CRACD: variants seen among roughly 807,000 people sequenced by gnomAD.
The protein encoded by CRACD is capping protein inhibiting regulator of actin dynamics.
In CRACD, 56 loss-of-function variants were observed where a neutral mutation model predicts 106.8. The ratio of observed to expected loss-of-function variants is 0.52; its 90% CI spans 0.42 to 0.66. CRACD has a LOEUF of 0.66. CRACD is among the 30% of genes least tolerant of loss of function. The pLI, the probability that CRACD is intolerant of heterozygous loss-of-function variation, is 0.00. For missense variants in CRACD, 1,730 were observed against 1,623.2 expected (o/e 1.07, Z -1.13); for synonymous variants, 754 against 670.8 (o/e 1.12, Z -1.92).
At chr4:56,271,451 A>G (rs1742341969) in intron 2 of CRACD, among the ~76,000 whole-genome samples, 1 of 152,166 alleles carries the variant, frequency 6.6e-6, no homozygotes. Context: ...ATATATGGGG[A>G]TAGAGGGAAT....
At chr4:56,272,901 A>G (rs1263220960) in intron 3 of CRACD, among the ~76,000 whole-genome samples, 1 of 150,334 alleles carries the variant, frequency 6.7e-6, no homozygotes, top group East Asian at 1.9e-4. Flanking sequence ...TCTGCCTCAA[A>G]AAAAAAAAAA....
At chr4:56,083,956 G>A (rs1437794555) in intron 1 of CRACD, among the ~76,000 whole-genome samples, 4 of 152,120 alleles carry the variant, frequency 2.6e-5, no homozygotes, top group Non-Finnish European at 5.9e-5. Flanking sequence ...CAGCCTGGGC[G>A]ACAGAGTGAG....
At chr4:56,050,758 G>A (rs948838825) in intron 1 of CRACD, among the ~76,000 whole-genome samples, 1 of 127,062 alleles carries the variant, frequency 7.9e-6, no homozygotes, top group African/African-American at 3.7e-5. Context: ...AAGTGGGCAG[G>A]GAAAAAATCA....
At chr4:56,268,808 C>T (rs1742183735) in intron 2 of CRACD, among the ~76,000 whole-genome samples, 1 of 152,216 alleles carries the variant, frequency 6.6e-6, no homozygotes, top group African/African-American at 2.4e-5. Flanking sequence ...TCTTTTAACA[C>T]ATGCCTAGTG....
chr4:56,145,904 G>C (rs1364585884), intron 1 of CRACD, among the ~76,000 whole-genome samples: 1 of 152,140 alleles, frequency 6.6e-6, no homozygotes, highest in Non-Finnish European at 1.5e-5. Context: ...GATTCTAGGC[G>C]TGAGTCACTG....
chr4:56,258,485 A>G (rs1417400481), intron 2 of CRACD, among the ~76,000 whole-genome samples: 2 of 152,204 alleles, frequency 1.3e-5, no homozygotes, highest in African/African-American at 4.8e-5. Context: ...TTCTAAATTG[A>G]TTGAGACTTG....
intron 1 of CRACD, among the ~76,000 whole-genome samples, 166 bp downstream of exon 1, chr4:56,049,465 C>T (rs529004591): frequency 1.2e-4 from 18 of 152,088 alleles, no homozygotes; most frequent in African/African-American, 3.9e-4. Context: ...GGCTTCGGGG[C>T]GGTGTCCCCA....
chr4:56,181,081 A>C (rs1736802394), intron 2 of CRACD, among the ~76,000 whole-genome samples: 1 of 152,226 alleles, frequency 6.6e-6, no homozygotes, highest in South Asian at 2.1e-4. Flanking sequence ...ATGGAGCTTA[A>C]TGTTGTAGCA....
intron 3 of CRACD, among the ~76,000 whole-genome samples, chr4:56,277,789 A>G (rs1326890714): frequency 6.6e-6 from 1 of 152,232 alleles, no homozygotes; most frequent in African/African-American, 2.4e-5. Context: ...TATTAGACTA[A>G]TAAACAAGAT....
rs564176990 is a variant in CRACD, at chr4:56,187,363, G to T, written c.-189+7933G>T. Among the ~76,000 whole-genome samples the T allele has an allele frequency of 2.9e-4, 44 of 152,204 alleles. 1 individual carries two copies. The South Asian group carries it at 5.6e-3, about 19-fold the overall frequency. ...GAGAAGGTGCTTGCCAGACACTCGA[G>T]GGGGGCACACAATCTCCGCAGGTCA... On this transcript the variant is annotated intron_variant, in intron 2 of 10. Transcript: ENST00000682029.
intron 1 of CRACD, among the ~76,000 whole-genome samples, chr4:56,073,256 C>A (rs887265441): frequency 3.9e-5 from 6 of 152,210 alleles, no homozygotes; most frequent in Non-Finnish European, 8.8e-5. Flanking sequence ...TCCACATCCT[C>A]TCCAGCATCT....
intron 8 of CRACD, among the ~76,000 whole-genome samples, chr4:56,322,417 G>A (rs1167120570): frequency 6.6e-6 from 1 of 152,190 alleles, no homozygotes; most frequent in African/African-American, 2.4e-5. Flanking sequence ...CTCCTGTGAG[G>A]TATTTACCCC....
At chr4:56,133,655 A>C (rs1215176486) in intron 1 of CRACD, among the ~76,000 whole-genome samples, 2 of 152,220 alleles carry the variant, frequency 1.3e-5, no homozygotes, top group East Asian at 3.8e-4. Context: ...CAAACCTTAA[A>C]CATGAAATTA....
chr4:56,049,630 C>T (rs1731801095), intron 1 of CRACD, among the ~76,000 whole-genome samples: 1 of 152,170 alleles, frequency 6.6e-6, no homozygotes, highest in South Asian at 2.1e-4. Flanking sequence ...GCCATCCTGT[C>T]CCCAGGTCCC....
At chr4:56,191,270 CCCTTT>C (rs1381992775) in intron 2 of CRACD, among the ~76,000 whole-genome samples, 1 of 152,148 alleles carries the variant, frequency 6.6e-6, no homozygotes, top group Non-Finnish European at 1.5e-5. Context: ...AGGGGAGAAT[CCCTTT>C]CCTTGTGTTT....
intron 2 of CRACD, among the ~76,000 whole-genome samples, chr4:56,268,072 G>C (rs1742133603): frequency 6.6e-6 from 1 of 152,146 alleles, no homozygotes; most frequent in African/African-American, 2.4e-5. Flanking sequence ...TTATATAGTA[G>C]ATGTCACCAT....
At position 56,314,190 on chromosome 4, in the gene CRACD, G is replaced by A; in HGVS notation, c.688G>A (p.Glu230Lys). 1 of 1,612,688 alleles carries A rather than the reference G, an allele frequency of 6.2e-7. No individual in the cohort carries two copies. Among genetic ancestry groups the A allele is most frequent in the Non-Finnish European group, 8.5e-7 (1 of 1,179,370 alleles). ...ERRRQEDYWRELEAKCKRQKA... is the reference protein window; with the variant it reads ...ERRRQEDYWRKLEAKCKRQKA... ...AAGACGCCAAGAAGACTACTGGCGA[G>A]AACTGGAGGCCAAGTGCAAGCGGCA... The change falls in exon 8 of 11, where the codon GAA becomes AAA. Residue 230 changes from glutamate (E) to lysine (K), a missense_variant. Glu to Lys is a moderately conservative substitution (Grantham distance 56, BLOSUM62 1). This residue lies in a region of CRACD where 1,620 missense variants were observed against 1,481.6 expected (regional missense o/e 1.09). Transcript: ENST00000682029. The surrounding 1 kb of genome is among the most constrained non-coding windows in gnomAD (Gnocchi z 4.4).
At chr4:56,245,439 C>A (rs577146947) in intron 2 of CRACD, among the ~76,000 whole-genome samples, 13 of 152,258 alleles carry the variant, frequency 8.5e-5, no homozygotes, top group Admixed American at 3.9e-4. Flanking sequence ...CAACAATAAC[C>A]GAAAGCAAAC....
intron 2 of CRACD, among the ~76,000 whole-genome samples, chr4:56,261,353 T>C (rs1329938324): frequency 2.7e-5 from 2 of 74,670 alleles, no homozygotes; most frequent in Non-Finnish European, 5.2e-5. Flanking sequence ...TTACTGCTTC[T>C]TCTTCTTCTT....
Sources: allele counts gnomAD v4.1 joint callset (sites outside exome capture counted in the v4.1 genomes callset), GRCh38; gene constraint gnomAD v4.1.1; regional missense constraint gnomAD v4.1.1; non-coding constraint Gnocchi (gnomAD v3.1); transcripts MANE v1.5; gene names NCBI Gene and HGNC (gene_info 2026-07-23, HGNC 2026-07-21).